RNF213: variants seen among roughly 807,000 people sequenced by gnomAD.
RNF213 encodes E3 ubiquitin-protein ligase RNF213.
A neutral mutation model predicts 514.4 loss-of-function variants in RNF213; 341 were observed. The ratio of observed to expected loss-of-function variants is 0.66; its 90% CI spans 0.61 to 0.73. RNF213 has a LOEUF of 0.73. Ranked by LOEUF, RNF213 falls within the 30% of genes least tolerant of loss-of-function variation. The pLI is 0.00. For missense variants in RNF213, 5,767 were observed against 6,615.6 expected (o/e 0.87, Z 4.45); for synonymous variants, 2,655 against 2,658.2 (o/e 1.00, Z 0.04).
chr17:80,389,231 A>C lies in RNF213; in HGVS notation c.15059A>C (p.Asp5020Ala), dbSNP rs2080363728. The C allele has an allele frequency of 1.2e-6, 2 of 1,614,072 alleles. No homozygotes were observed. The highest frequency in any genetic ancestry group is 1.7e-6 in the Non-Finnish European group (2 of 1,180,024). ...AGTGGACAGCTGCAGTCCTACAGCG[A>C]TGCCTGTGAAGTGCTGTCTGTCGTA... ...AISGQLQSYS[D>A]ACEVLSVVEV... The change falls in exon 65 of 68, where the codon GAT becomes GCT. Residue 5020 changes from aspartate (D) to alanine (A), a missense_variant. Physicochemically the swap from Asp to Ala is moderately radical, Grantham distance 126 (BLOSUM62 -2). Coordinates refer to ENST00000582970, the MANE Select transcript of RNF213 (RefSeq NM_001256071.3).
intron 63 of RNF213, among the ~76,000 whole-genome samples, chr17:80,387,953 A>ATTTTTTTT (rs35624579): frequency 9.0e-6 from 1 of 111,348 alleles, no homozygotes. Context: ...GAGCCCATGG[A>ATTTTTTTT]TTTTTTTTTT....
intron 11 of RNF213, among the ~76,000 whole-genome samples, chr17:80,300,043 T>A (rs2045117337): frequency 6.6e-6 from 1 of 152,256 alleles, no homozygotes; most frequent in Non-Finnish European, 1.5e-5. Flanking sequence ...TGTTTCTTTA[T>A]AATAGAACGA....
chr17:80,338,031 G>A, intron 25 of RNF213, 34 bp downstream of exon 25: 1 of 1,537,052 alleles, frequency 6.5e-7, no homozygotes, highest in Non-Finnish European at 8.7e-7. Context: ...CGCTAAGCTG[G>A]TGGTGTCATC....
Position 80,376,508 on chromosome 17 carries a change from C to A in RNF213, c.13393C>A (p.Leu4465Ile). The A allele has an allele frequency of 6.2e-7, 1 of 1,614,146 alleles. No individual in the cohort carries two copies. ...LCGQNELLEPLKNLAFSPATM... is the reference protein window; with the variant it reads ...LCGQNELLEPIKNLAFSPATM... Reference sequence around the variant, plus strand: ...TGGACAGAATGAACTCTTGGAGCCCCTAAAGAATCTGGCCTTCTCCCCAGC... The same window carrying A: ...TGGACAGAATGAACTCTTGGAGCCCATAAAGAATCTGGCCTTCTCCCCAGC... The change falls in exon 52 of 68, where the codon CTA (leucine) becomes ATA (isoleucine). Residue 4465 changes from leucine to isoleucine, a missense_variant. By Grantham distance (5) the Leu-to-Ile change is conservative. Transcript: ENST00000582970.
chr17:80,315,737 T>C (rs62648777), intron 15 of RNF213: 3,879 of 81,724 alleles, frequency 0.047, 758 homozygotes, highest in Non-Finnish European at 0.067. Context: ...CTGGAGGTGA[T>C]GGTGGTGGTG....
rs2080087982 is a variant in RNF213 at position 80,383,088 on chromosome 17, A to T, written c.14070+18A>T. The T allele has an allele frequency of 6.3e-7, 1 of 1,579,270 alleles. No homozygotes were observed. The highest frequency in any genetic ancestry group is 1.3e-5 in the African/African-American group (1 of 74,184). On this transcript the variant is annotated intron_variant, in intron 58 of 67. Transcript: ENST00000582970. ...AACTGGAGGTAAGCAGTAAGTGCTG[A>T]CAGCTGGGTTGCTCCTCGGTCCAGA...
chr17:80,264,021 C>T lies in RNF213; in HGVS notation c.97+243C>T, dbSNP rs999915184. ...CCAGGGGACCACCACCCAGTGCTTC[C>T]GTCCCTCGTTCAGGCCCGGCCTGAG... is the stretch of plus-strand genomic sequence containing the variant. On this transcript the variant is annotated intron_variant, in intron 2 of 67. Transcript: ENST00000582970. This position sits in a 1 kb window ranked among gnomAD's most constrained non-coding sequence, Gnocchi z 5.0. 1.3e-5 allele frequency among the ~76,000 whole-genome samples: 2 copies of T among 152,140 alleles called. No individual in the cohort carries two copies. The highest frequency in any genetic ancestry group is 4.8e-5 in the African/African-American group (2 of 41,456).
At position 80,336,268 on chromosome 17, in the gene RNF213, G is replaced by T; in HGVS notation, c.4417G>T (p.Ala1473Ser). The T allele has an allele frequency of 2.0e-6, 3 of 1,537,236 alleles. No homozygotes were observed. The highest frequency in any genetic ancestry group is 8.7e-7 in the Non-Finnish European group (1 of 1,146,908). ...CTTCCATGACGCTGTGCAGGGCTACGCATCCCTGCTATTTAAGCTGGACCC... is the reference window on the plus strand; with the variant it reads ...CTTCCATGACGCTGTGCAGGGCTACTCATCCCTGCTATTTAAGCTGGACCC... ...ACFHDAVQGY[A>S]SLLFKLDPSV... Residue 1473 changes from alanine (A) to serine (S), a missense_variant, in exon 23 of 68, where the codon GCA becomes TCA. Physicochemically the swap from Ala to Ser is moderately conservative, Grantham distance 99. Coordinates refer to ENST00000582970, the MANE Select transcript of RNF213 (RefSeq NM_001256071.3).
At chr17:80,329,967 A>C (rs2046370655) in intron 20 of RNF213, among the ~76,000 whole-genome samples, 2 of 152,318 alleles carry the variant, frequency 1.3e-5, no homozygotes, top group South Asian at 4.1e-4. Flanking sequence ...AATTCCTGTT[A>C]ATTGGATATG....
chr17:80,383,645 C>A, intron 58 of RNF213, 32 bp from the exon 59 acceptor site: 1 of 1,613,000 alleles, frequency 6.2e-7, no homozygotes, highest in Non-Finnish European at 8.5e-7. Context: ...TACCTCACTT[C>A]CAGAATTTTT....
Position 80,347,739 on chromosome 17 carries a change from C to T in RNF213, c.9404C>T (p.Thr3135Ile), listed in dbSNP as rs2078361186. The change falls in exon 29 of 68, where the codon ACC (threonine) becomes ATC (isoleucine). Residue 3135 changes from threonine (T) to isoleucine (I), a missense_variant. Thr to Ile is a moderately conservative substitution (Grantham distance 89, BLOSUM62 -1). Coordinates refer to ENST00000582970, the MANE Select transcript of RNF213 (RefSeq NM_001256071.3). The surrounding 1 kb of genome is among the most constrained non-coding windows in gnomAD (Gnocchi z 7.2). ...AAGTACGTGGACCTCGGTCTGGGGA[C>T]CCACCGCGTCAAATGTCGGGTTCAC... ...GQKYVDLGLG[T>I]HRVKCRVHPN... is the part of the protein sequence containing the mutation. The T allele has an allele frequency of 6.8e-6, 11 of 1,614,124 alleles. No homozygotes were observed. In the East Asian group the frequency reaches 2.5e-4, roughly 36 times the overall value.
chr17:80,305,474 G>A (rs534015004), intron 11 of RNF213, among the ~76,000 whole-genome samples: 6 of 151,806 alleles, frequency 4.0e-5, no homozygotes, highest in Non-Finnish European at 7.4e-5. Context: ...CACTGCGCCC[G>A]GCCTGATTTT....
At chr17:80,378,635 AT>A (rs1483332498) in intron 54 of RNF213, among the ~76,000 whole-genome samples, 5 of 152,150 alleles carry the variant, frequency 3.3e-5, no homozygotes, top group Non-Finnish European at 5.9e-5. Context: ...TCATTTAATA[AT>A]GTATATAAGA....
In RNF213 at chr17:80,377,735, C is replaced by T. The variant is rs1173543227; in HGVS notation, c.13511-27C>T. 7 of 1,614,010 alleles carry T rather than the reference C, an allele frequency of 4.3e-6. No individual in the cohort carries two copies. The highest frequency in any genetic ancestry group is 1.6e-4 in the Middle Eastern group (1 of 6,062). ...GGGTCATTGGGTGAAACCTCATTAG[C>T]CAATGTGTGTCCTGTTCTCTTCACA... On this transcript the variant is annotated intron_variant, in intron 53 of 67. Coordinates refer to ENST00000582970, the MANE Select transcript of RNF213 (RefSeq NM_001256071.3). The surrounding 1 kb of genome is among the most constrained non-coding windows in gnomAD (Gnocchi z 4.1).
intron 67 of RNF213, among the ~76,000 whole-genome samples, chr17:80,392,530 G>C (rs953946178): frequency 4.6e-5 from 7 of 152,148 alleles, no homozygotes; most frequent in African/African-American, 1.4e-4. Context: ...AGGCACCAGA[G>C]CCTTGAACCC....
intron 44 of RNF213, 119 bp from the exon 45 acceptor site, chr17:80,369,383 A>G (rs1482949028): frequency 2.0e-6 from 2 of 978,650 alleles, no homozygotes; most frequent in East Asian, 2.4e-5. Context: ...GGGCAACAAG[A>G]GTGAAACTCC....
In RNF213 at chr17:80,346,476, C is replaced by T. The variant is rs750130178; in HGVS notation, c.8141C>T (p.Pro2714Leu). The change falls in exon 29 of 68, where the codon CCG (proline) becomes CTG (leucine). Residue 2714 changes from proline to leucine, a missense_variant. Transcript: ENST00000582970. The surrounding 1 kb of genome is among the most constrained non-coding windows in gnomAD (Gnocchi z 8.1). Reference protein sequence around the residue: ...RKAIARFFPKPYDDSRLLLDE... With the variant: ...RKAIARFFPKLYDDSRLLLDE... Reference sequence around the variant, plus strand: ...GCCATCGCCAGGTTCTTTCCGAAACCGTATGACGACAGCAGGCTGCTTCTG... The same window carrying T: ...GCCATCGCCAGGTTCTTTCCGAAACTGTATGACGACAGCAGGCTGCTTCTG... 15 of 1,613,748 alleles carry T rather than the reference C, an allele frequency of 9.3e-6. No individual in the cohort carries two copies. Among genetic ancestry groups the T allele is most frequent in the Middle Eastern group, 1.6e-4 (1 of 6,084 alleles).
chr17:80,308,918 TGGTAGTTATTTTGAA>T, intron 13 of RNF213, 85 bp from the exon 14 acceptor site: 1 of 1,403,734 alleles, frequency 7.1e-7, no homozygotes, highest in Non-Finnish European at 1.0e-6. Context: ...AATGCCCTGT[TGGTAGTTATTTTGAA>T]GGAAGGAGCT....
In RNF213 at chr17:80,339,275, G is replaced by A. The variant is rs1294846216; in HGVS notation, c.4908G>A (p.Thr1636=). ...LHSAGNMLFR[T]WIAMAYCSPK... Reference sequence around the variant, plus strand: ...CTGCTGGGAATATGCTGTTCAGGACGTGGATCGCCATGGCCTACTGCTCCC... The same window carrying A: ...CTGCTGGGAATATGCTGTTCAGGACATGGATCGCCATGGCCTACTGCTCCC... Residue 1636 remains threonine, a synonymous_variant, in exon 26 of 68, where the codon ACG becomes ACA. Coordinates refer to ENST00000582970, the MANE Select transcript of RNF213 (RefSeq NM_001256071.3). The A allele has an allele frequency of 2.2e-5, 33 of 1,534,320 alleles. No individual in the cohort carries two copies. Among genetic ancestry groups the A allele is most frequent in the Middle Eastern group, 1.7e-4 (1 of 5,982 alleles).
Sources: gnomAD v4.1 joint callset for allele counts (sites outside exome capture counted in the v4.1 genomes callset) on GRCh38, gnomAD v4.1.1 for gene constraint, Gnocchi (gnomAD v3.1) non-coding constraint, MANE v1.5 for transcripts, NCBI Gene and HGNC (gene_info 2026-07-23, HGNC 2026-07-21) for gene names.